Variants in ASTN2 observed in about 807,000 individuals in gnomAD.
ASTN2 encodes astrotactin-2.
A neutral mutation model predicts 139.8 loss-of-function variants in ASTN2; 54 were observed. The ratio of observed to expected loss-of-function variants is 0.39; its 90% CI spans 0.31 to 0.48. The LOEUF is 0.48. Among genes scored for constraint, ASTN2 ranks in the 20% least tolerant of loss-of-function variants. The pLI is 0.95. For missense variants in ASTN2, 1,565 were observed against 1,725.1 expected (o/e 0.91, Z 1.64); for synonymous variants, 756 against 719.5 (o/e 1.05, Z -0.81).
intron 2 of ASTN2, among the ~76,000 whole-genome samples, chr9:117,254,808 G>C (rs1455872107): frequency 6.6e-6 from 1 of 151,182 alleles, no homozygotes; most frequent in South Asian, 2.1e-4. Context: ...TGTCTATTCT[G>C]TTCGATTACA....
At chr9:116,612,286 C>A (rs1855584153) in intron 19 of ASTN2, 1 of 152,098 alleles carries the variant, frequency 6.6e-6, no homozygotes, top group Non-Finnish European at 1.5e-5. Context: ...GACTTTAACA[C>A]CCCACTGTCA....
At position 116,965,020 on chromosome 9, in the gene ASTN2, T is replaced by C. The variant is rs188716006; in HGVS notation, c.1889+10188A>G. Among the ~76,000 whole-genome samples, 4 of 152,342 alleles carry C rather than the reference T, an allele frequency of 2.6e-5. No homozygotes were observed. In the East Asian group the frequency reaches 7.7e-4, roughly 29 times the overall value. On this transcript the variant is annotated intron_variant, in intron 10 of 22. Transcript: ENST00000313400. The stretch of plus-strand genomic sequence containing the variant: ...TGACATAGGAAATAGGGAGGACTTC[T>C]AAATACCATCAGGTTCAGAGATGGC...
chr9:116,758,842 G>A (rs965025797), intron 13 of ASTN2, among the ~76,000 whole-genome samples: 2 of 152,092 alleles, frequency 1.3e-5, no homozygotes, highest in African/African-American at 4.8e-5. Context: ...TATAGTGCTT[G>A]GCTTAGTGGA....
At chr9:116,916,800 C>A (rs974027882) in intron 10 of ASTN2, among the ~76,000 whole-genome samples, 1 of 152,066 alleles carries the variant, frequency 6.6e-6, no homozygotes, top group African/African-American at 2.4e-5. Context: ...CCACTGAACT[C>A]CAGCCTGGGT....
intron 3 of ASTN2, among the ~76,000 whole-genome samples, chr9:117,212,414 T>C (rs1230860178): frequency 6.6e-6 from 1 of 151,604 alleles, no homozygotes; most frequent in East Asian, 1.9e-4. Context: ...GTAGACAAGA[T>C]TATATGTCAA....
intron 19 of ASTN2, among the ~76,000 whole-genome samples, chr9:116,534,723 A>C (rs181333175): frequency 6.6e-6 from 1 of 152,264 alleles, no homozygotes; most frequent in East Asian, 1.9e-4. Flanking sequence ...GTGTTCTGAG[A>C]GACAGTTTGT....
intron 22 of ASTN2, among the ~76,000 whole-genome samples, chr9:116,432,766 C>T (rs527658289): frequency 6.6e-6 from 1 of 152,238 alleles, no homozygotes; most frequent in Admixed American, 6.5e-5. Context: ...CCCGTCTCTA[C>T]TAAAAATACA....
In ASTN2 at chr9:117,291,810, A is replaced by G. The variant is rs1057296419; in HGVS notation, c.443-297T>C. Among the ~76,000 whole-genome samples the G allele has an allele frequency of 7.9e-5, 12 of 152,206 alleles. No individual in the cohort carries two copies. In the South Asian group the frequency reaches 1.4e-3, roughly 18 times the overall value. ...GTAATTCATTCTACTCTGATAGTGG[A>G]ATGAAACTAAGGATAAAAGTGCTTT... On this transcript the variant is annotated intron_variant, in intron 1 of 22. Transcript: ENST00000313400.
chr9:116,638,701 A>T (rs1857188407), intron 17 of ASTN2, among the ~76,000 whole-genome samples: 1 of 152,218 alleles, frequency 6.6e-6, no homozygotes, highest in South Asian at 2.1e-4. Context: ...TCCATAAAAT[A>T]TCCCAAGGAA....
chr9:116,938,501 T>C (rs1835136382), intron 10 of ASTN2, among the ~76,000 whole-genome samples: 1 of 152,168 alleles, frequency 6.6e-6, no homozygotes, highest in Admixed American at 6.5e-5. Flanking sequence ...GGCACTGCCC[T>C]TGAGCTGGCT....
intron 19 of ASTN2, among the ~76,000 whole-genome samples, chr9:116,541,163 C>T (rs1007599475): frequency 1.3e-5 from 2 of 152,128 alleles, no homozygotes; most frequent in East Asian, 1.9e-4. Flanking sequence ...ATGTGTCATA[C>T]TCTTTTCTAT....
At chr9:117,255,557 G>A (rs1261735050) in intron 2 of ASTN2, among the ~76,000 whole-genome samples, 5 of 152,178 alleles carry the variant, frequency 3.3e-5, no homozygotes, top group Non-Finnish European at 2.9e-5. Flanking sequence ...GACAATATTC[G>A]AAAGGCTCAG....
chr9:116,657,475 T>C (rs952089716), intron 16 of ASTN2, among the ~76,000 whole-genome samples: 1 of 152,204 alleles, frequency 6.6e-6, no homozygotes, highest in African/African-American at 2.4e-5. Flanking sequence ...TGCCCCTAGA[T>C]GCAGAAGTTA....
chr9:116,761,622 T>G (rs986744057), intron 13 of ASTN2, among the ~76,000 whole-genome samples: 4 of 152,082 alleles, frequency 2.6e-5, no homozygotes, highest in Non-Finnish European at 4.4e-5. Context: ...CTCAGGGAAC[T>G]ACAAGCAGCT....
chr9:116,950,897 A>C (rs1835539550), intron 10 of ASTN2, among the ~76,000 whole-genome samples: 1 of 152,174 alleles, frequency 6.6e-6, no homozygotes, highest in Non-Finnish European at 1.5e-5. Flanking sequence ...CAACATATGG[A>C]GGAAGATAGA....
At chr9:117,088,283 C>T (rs1828618760) in intron 5 of ASTN2, among the ~76,000 whole-genome samples, 1 of 152,146 alleles carries the variant, frequency 6.6e-6, no homozygotes, top group African/African-American at 2.4e-5. Flanking sequence ...CTCCTCCACC[C>T]CCTTCCCCAG....
At chr9:116,989,769 AGACAGGGTTTC>A (rs1308982075) in intron 7 of ASTN2, among the ~76,000 whole-genome samples, 1 of 151,996 alleles carries the variant, frequency 6.6e-6, no homozygotes, top group East Asian at 1.9e-4. Flanking sequence ...ATTTTAGTAG[AGACAGGGTTTC>A]ATCATGTTGG....
In ASTN2 at chr9:117,108,096, T is replaced by C. The variant is rs1309393949; in HGVS notation, c.1169-11945A>G. Among the ~76,000 whole-genome samples, 3 of 152,190 alleles carry C rather than the reference T, an allele frequency of 2.0e-5. No individual in the cohort carries two copies. In the East Asian group the frequency reaches 5.8e-4, roughly 29 times the overall value. On this transcript the variant is annotated intron_variant, in intron 4 of 22. Coordinates refer to ENST00000313400, the MANE Select transcript of ASTN2 (RefSeq NM_001365068.1). ...GAGTACATGTAAGACTGCAATTAAG[T>C]TGATGCTGATATCCATGTGTTAAAT... is the stretch of plus-strand genomic sequence containing the variant.
chr9:117,116,496 G>C (rs1444806494), intron 4 of ASTN2, among the ~76,000 whole-genome samples: 1 of 151,624 alleles, frequency 6.6e-6, no homozygotes, highest in Non-Finnish European at 1.5e-5. Flanking sequence ...AGGAACAACA[G>C]ATTCAACTGC....
Sources: gnomAD v4.1 joint callset for allele counts (sites outside exome capture counted in the v4.1 genomes callset) on GRCh38, gnomAD v4.1.1 for gene constraint, MANE v1.5 for transcripts, NCBI Gene and HGNC (gene_info 2026-07-23, HGNC 2026-07-21) for gene names.